Variants in MYRFL observed in about 807,000 individuals in gnomAD.
MYRFL encodes myelin regulatory factor like.
In MYRFL, 88 loss-of-function variants were observed where a neutral mutation model predicts 109.4. The ratio of observed to expected loss-of-function variants is 0.80; its 90% CI spans 0.68 to 0.96. The LOEUF is 0.96. Among genes scored for constraint, MYRFL ranks in the 40% least tolerant of loss-of-function variants. The pLI, the probability that MYRFL is intolerant of heterozygous loss-of-function variation, is 0.00. For missense variants in MYRFL, 957 were observed against 954.9 expected (o/e 1.00, Z -0.03); for synonymous variants, 324 against 320.9 (o/e 1.01, Z -0.10).
chr12:69,880,951 G>GTTTTTT (rs71094746), intron 5 of MYRFL, among the ~76,000 whole-genome samples: 9,608 of 112,164 alleles, frequency 0.086, 1,123 homozygotes, highest in African/African-American at 0.17. Context: ...CAGCCTTCCT[G>GTTTTTT]TTTTTTTTTT....
intron 16 of MYRFL, among the ~76,000 whole-genome samples, 195 bp downstream of exon 16, chr12:69,932,793 C>T (rs528067406): frequency 5.3e-5 from 8 of 151,984 alleles, no homozygotes; most frequent in African/African-American, 1.7e-4. Flanking sequence ...AAAGCACAGG[C>T]TTTCTGCCTT....
intron 1 of MYRFL, among the ~76,000 whole-genome samples, chr12:69,836,322 G>T (rs1882939142): frequency 2.6e-5 from 4 of 152,254 alleles, no homozygotes; most frequent in Middle Eastern, 3.4e-3. Flanking sequence ...CAGGATGGGG[G>T]ACGTGGCAGG....
intron 16 of MYRFL, among the ~76,000 whole-genome samples, chr12:69,933,723 C>T (rs1955345725): frequency 2.0e-5 from 3 of 152,170 alleles, no homozygotes; most frequent in Non-Finnish European, 2.9e-5. Flanking sequence ...CTGTCTTCTC[C>T]TGCTGGGATT....
intron 1 of MYRFL, among the ~76,000 whole-genome samples, chr12:69,852,862 T>C (rs548673593): frequency 6.6e-6 from 1 of 152,086 alleles, no homozygotes; most frequent in Non-Finnish European, 1.5e-5. Context: ...CATTTAACCC[T>C]GAGTTGACAC....
At chr12:69,829,098 CAG>C in intron 1 of MYRFL, among the ~76,000 whole-genome samples, 1 of 152,154 alleles carries the variant, frequency 6.6e-6, no homozygotes, top group Middle Eastern at 3.4e-3. Context: ...AGGAAACTGG[CAG>C]AAACTCTGGC....
At chr12:69,941,995 A>G (rs1592880524) in intron 19 of MYRFL, among the ~76,000 whole-genome samples, 2 of 150,728 alleles carry the variant, frequency 1.3e-5, no homozygotes, top group East Asian at 3.9e-4. Context: ...GAAGAAGCTG[A>G]ATCTCTGAAT....
chr12:69,920,682 T>C (rs964895066), intron 13 of MYRFL, among the ~76,000 whole-genome samples: 3 of 152,140 alleles, frequency 2.0e-5, no homozygotes, highest in Non-Finnish European at 4.4e-5. Context: ...GCTAGAGGAA[T>C]CCTGCCATGT....
intron 14 of MYRFL, among the ~76,000 whole-genome samples, chr12:69,926,986 C>T (rs1410248102): frequency 1.0e-5 from 1 of 96,302 alleles, no homozygotes; most frequent in African/African-American, 3.7e-5. Context: ...CTGTTGTTGT[C>T]CAGGCTGGAG....
chr12:69,934,762 C>T (rs893906152), intron 16 of MYRFL, among the ~76,000 whole-genome samples: 24 of 152,330 alleles, frequency 1.6e-4, no homozygotes, highest in African/African-American at 5.3e-4. Context: ...CAGGTTATCT[C>T]TGTCTCTACT....
intron 6 of MYRFL, among the ~76,000 whole-genome samples, 180 bp from the exon 7 acceptor site, chr12:69,890,791 G>A (rs1886751416): frequency 6.6e-6 from 1 of 152,184 alleles, no homozygotes; most frequent in African/African-American, 2.4e-5. Flanking sequence ...ACAGCCAGCT[G>A]TGTTTTGAAA....
At chr12:69,871,177 T>C (rs567572699) in intron 2 of MYRFL, among the ~76,000 whole-genome samples, 1 of 152,190 alleles carries the variant, frequency 6.6e-6, no homozygotes, top group East Asian at 1.9e-4. Flanking sequence ...TCTACCCCTG[T>C]CTTTAAATTG....
chr12:69,841,852 C>T (rs1883261882), intron 1 of MYRFL, among the ~76,000 whole-genome samples: 1 of 152,138 alleles, frequency 6.6e-6, no homozygotes, highest in Admixed American at 6.5e-5. Context: ...ATGGTAATGA[C>T]AAGGGGTAGA....
intron 1 of MYRFL, among the ~76,000 whole-genome samples, chr12:69,847,824 A>G (rs1883646241): frequency 6.6e-6 from 1 of 152,218 alleles, no homozygotes; most frequent in Non-Finnish European, 1.5e-5. Flanking sequence ...CCTTAGAAGC[A>G]GCATTTGCTT....
chr12:69,839,649 G>A (rs949387814), intron 1 of MYRFL, among the ~76,000 whole-genome samples: 3 of 152,134 alleles, frequency 2.0e-5, no homozygotes, highest in Non-Finnish European at 4.4e-5. Flanking sequence ...CTGAAAGATA[G>A]GGATAATAAT....
chr12:69,853,708 G>A (rs1307990223), intron 1 of MYRFL, among the ~76,000 whole-genome samples: 4 of 150,246 alleles, frequency 2.7e-5, no homozygotes, highest in East Asian at 2.0e-4. Context: ...CTTCCCAGAC[G>A]GGGAGGCAGC....
At chr12:69,830,444 A>G (rs1484793365) in intron 1 of MYRFL, among the ~76,000 whole-genome samples, 1 of 150,052 alleles carries the variant, frequency 6.7e-6, no homozygotes, top group Non-Finnish European at 1.5e-5. Flanking sequence ...TAGATAATAT[A>G]GAGAGAGATA....
At chr12:69,947,997 C>T (rs1212780178) in intron 19 of MYRFL, among the ~76,000 whole-genome samples, 1 of 152,122 alleles carries the variant, frequency 6.6e-6, no homozygotes, top group Non-Finnish European at 1.5e-5. Context: ...TGGGAGAGCT[C>T]ATCTACCAAT....
At chr12:69,911,169 C>T (rs1186037002) in intron 13 of MYRFL, among the ~76,000 whole-genome samples, 1 of 152,168 alleles carries the variant, frequency 6.6e-6, no homozygotes, top group East Asian at 1.9e-4. Context: ...AGTAAGAATT[C>T]GAGTTCAGCA....
chr12:69,865,811 T>C (rs1197492484), intron 2 of MYRFL, among the ~76,000 whole-genome samples: 11 of 152,186 alleles, frequency 7.2e-5, no homozygotes, highest in Admixed American at 4.6e-4. Context: ...CCCAAGAGGC[T>C]TCACTCTCTA....
Sources: allele counts gnomAD v4.1 joint callset (sites outside exome capture counted in the v4.1 genomes callset), GRCh38; gene constraint gnomAD v4.1.1; transcripts MANE v1.5; gene names NCBI Gene and HGNC (gene_info 2026-07-23, HGNC 2026-07-21).